Variants in TRAP1 observed in about 807,000 individuals in gnomAD.
The protein encoded by TRAP1 is heat shock protein 75 kDa, mitochondrial.
A neutral mutation model predicts 89.1 loss-of-function variants in TRAP1; 102 were observed. The ratio of observed to expected loss-of-function variants is 1.15; its 90% CI spans 0.98 to 1.35. The LOEUF (loss-of-function observed/expected upper bound fraction) is 1.35, where lower values mean the gene tolerates loss of function less well. Among genes scored for constraint, TRAP1 ranks in the 40% most tolerant of loss-of-function variants. TRAP1 has a pLI of 0.00. For missense variants in TRAP1, 1,256 were observed against 945.3 expected, an observed-to-expected ratio of 1.33 and a Z score of -4.31; for synonymous variants, 508 against 388.0, an observed-to-expected ratio of 1.31 and a Z score of -3.64.
chr16:3,674,367 A>G lies in TRAP1; in HGVS notation c.1016T>C (p.Ile339Thr). 1 of 1,614,016 alleles carries G rather than the reference A, an allele frequency of 6.2e-7. No homozygotes were observed. Among genetic ancestry groups the G allele is most frequent in the Non-Finnish European group, 8.5e-7 (1 of 1,180,030 alleles). Residue 339 changes from isoleucine (I) to threonine (T), a missense_variant, in exon 9 of 18, where the codon ATC becomes ACC. Physicochemically the swap from Ile to Thr is moderately conservative, Grantham distance 89 (BLOSUM62 -1). Transcript: ENST00000246957. ...LHYKTDAPLNIRSIFYVPDMK... is the reference protein window; with the variant it reads ...LHYKTDAPLNTRSIFYVPDMK... ...GTCGGGCACGTAGAAGATGCTGCGG[A>G]TGTTGAGCGGTGCGTCCGTCTTATA...
intron 11 of TRAP1, 85 bp from the exon 12 acceptor site, chr16:3,666,203 C>A: frequency 6.8e-7 from 1 of 1,472,572 alleles, no homozygotes; most frequent in Non-Finnish European, 9.1e-7. Context: ...TGTTCAGCCC[C>A]GCTAAGAATC....
At chr16:3,693,768 G>T (rs948922433) in intron 1 of TRAP1, among the ~76,000 whole-genome samples, 1 of 152,126 alleles carries the variant, frequency 6.6e-6, no homozygotes, top group Non-Finnish European at 1.5e-5. Context: ...CAAGGCAGGA[G>T]AATCGCTTGA....
chr16:3,687,875 A>AAC (rs1170272365), intron 3 of TRAP1, among the ~76,000 whole-genome samples: 3 of 151,280 alleles, frequency 2.0e-5, no homozygotes, highest in African/African-American at 4.9e-5. Flanking sequence ...AAAAAAAAAA[A>AAC]AACAAAAACC....
intron 5 of TRAP1, 111 bp downstream of exon 5, chr16:3,679,608 G>T: frequency 9.5e-7 from 1 of 1,049,292 alleles, no homozygotes; most frequent in Non-Finnish European, 1.5e-6. Flanking sequence ...CCACTGCGTG[G>T]CATGCAACTG....
intron 1 of TRAP1, among the ~76,000 whole-genome samples, chr16:3,714,287 T>C (rs978220311): frequency 2.6e-5 from 4 of 152,178 alleles, no homozygotes; most frequent in South Asian, 2.1e-4. Context: ...GGAAATGTAT[T>C]TGCTGAATAA....
chr16:3,678,454 GTTT>G (rs2051029442), intron 5 of TRAP1: 1 of 150,536 alleles, frequency 6.6e-6, no homozygotes, highest in African/African-American at 2.4e-5. Context: ...TGGGTTTTTT[GTTT>G]GTTGTTGTTG....
At chr16:3,675,982 C>A in intron 7 of TRAP1, 54 bp downstream of exon 7, 1 of 1,477,264 alleles carries the variant, frequency 6.8e-7, no homozygotes, top group East Asian at 2.3e-5. Context: ...GACCTGGTGG[C>A]CTCCAGGCCA....
At chr16:3,666,912 T>A (rs2050840240) in intron 11 of TRAP1, among the ~76,000 whole-genome samples, 1 of 152,204 alleles carries the variant, frequency 6.6e-6, no homozygotes. Context: ...TTCTTAATAT[T>A]TAGTCTTTCC....
chr16:3,675,275 C>T (rs767858293), intron 8 of TRAP1, 49 bp downstream of exon 8: 3 of 1,583,378 alleles, frequency 1.9e-6, no homozygotes, highest in Non-Finnish European at 2.6e-6. Flanking sequence ...CTGAAACGTA[C>T]AGATTTGTCT....
chr16:3,708,614 G>A (rs2051483217), intron 1 of TRAP1, among the ~76,000 whole-genome samples: 1 of 151,918 alleles, frequency 6.6e-6, no homozygotes, highest in Non-Finnish European at 1.5e-5. Context: ...TCCAGCCTGG[G>A]CGACGGAGCG....
At chr16:3,691,754 T>C (rs17136477) in intron 1 of TRAP1, among the ~76,000 whole-genome samples, 7,289 of 152,274 alleles carry the variant, frequency 0.048, 558 homozygotes, top group African/African-American at 0.16. Context: ...TTCTTTCCCA[T>C]TGCTTTTTCA....
chr16:3,699,115 C>T (rs537303152), intron 1 of TRAP1, among the ~76,000 whole-genome samples: 3 of 152,110 alleles, frequency 2.0e-5, no homozygotes, highest in East Asian at 1.9e-4. Context: ...TGACACCACA[C>T]ACCCCTCCCC....
chr16:3,675,621 C>A (rs908218920), intron 7 of TRAP1, among the ~76,000 whole-genome samples: 13 of 152,208 alleles, frequency 8.5e-5, no homozygotes, highest in Non-Finnish European at 1.5e-4. Flanking sequence ...GAGGCCCCGG[C>A]TGCTGCGAGA....
intron 17 of TRAP1, 51 bp from the exon 18 acceptor site, chr16:3,658,281 ATTTTTT>A: frequency 3.3e-6 from 4 of 1,216,408 alleles, no homozygotes; most frequent in Non-Finnish European, 4.6e-6. Context: ...GCACCTTTTC[ATTTTTT>A]TTTTTTTGAG....
chr16:3,697,242 A>G (rs893963538), intron 1 of TRAP1, among the ~76,000 whole-genome samples: 2 of 152,208 alleles, frequency 1.3e-5, no homozygotes, highest in Non-Finnish European at 2.9e-5. Context: ...AGCAAAACTG[A>G]GCACTGTCCC....
chr16:3,692,355 G>A (rs577681019), intron 1 of TRAP1, among the ~76,000 whole-genome samples: 1 of 152,082 alleles, frequency 6.6e-6, no homozygotes, highest in Non-Finnish European at 1.5e-5. Context: ...GGCCAACATG[G>A]AGAAACCCCA....
chr16:3,661,221 T>C (rs1388160952), intron 16 of TRAP1: 1 of 152,060 alleles, frequency 6.6e-6, no homozygotes, highest in East Asian at 1.9e-4. Context: ...AAGACCTAAA[T>C]AGATCACATT....
At chr16:3,666,277 G>T (rs989737203) in intron 11 of TRAP1, among the ~76,000 whole-genome samples, 159 bp from the exon 12 acceptor site, 1 of 152,158 alleles carries the variant, frequency 6.6e-6, no homozygotes, top group Non-Finnish European at 1.5e-5. Flanking sequence ...CAGAAAGACA[G>T]AAACCCTGGG....
At chr16:3,663,650 G>A in intron 13 of TRAP1, 88 bp from the exon 14 acceptor site, 2 of 1,556,962 alleles carry the variant, frequency 1.3e-6, no homozygotes, top group Non-Finnish European at 8.7e-7. Flanking sequence ...AGGGCTGGGG[G>A]AGCCAAGCGG....
Sources: gnomAD v4.1 joint callset for allele counts (sites outside exome capture counted in the v4.1 genomes callset) on GRCh38, gnomAD v4.1.1 for gene constraint, MANE v1.5 for transcripts, NCBI Gene and HGNC (gene_info 2026-07-23, HGNC 2026-07-21) for gene names.